The following AGBL1 variants were observed in gnomAD, a reference collection of about 807,000 sequenced individuals.
AGBL1 encodes cytosolic carboxypeptidase 4.
A neutral mutation model predicts 118.9 loss-of-function variants in AGBL1; 130 were observed. The ratio of observed to expected loss-of-function variants is 1.09; its 90% CI spans 0.95 to 1.26. The LOEUF is 1.26. Ranked by LOEUF, AGBL1 falls within the 50% of genes most tolerant of loss-of-function variation. The pLI is 0.00. For synonymous variants in AGBL1, 555 were observed against 478.9 expected (o/e 1.16, Z -2.08); for missense variants, 1,584 against 1,298.1 (o/e 1.22, Z -3.38).
intron 22 of AGBL1, among the ~76,000 whole-genome samples, chr15:86,837,224 CAA>C (rs71230682): frequency 4.4e-5 from 6 of 137,500 alleles, no homozygotes; most frequent in Non-Finnish European, 6.3e-5. Context: ...TCCTGACTAT[CAA>C]AAAAAAAAAA....
intron 23 of AGBL1, among the ~76,000 whole-genome samples, chr15:86,947,579 C>G (rs1475392951): frequency 6.6e-6 from 1 of 152,226 alleles, no homozygotes; most frequent in East Asian, 1.9e-4. Flanking sequence ...AAATATCAAA[C>G]TTTGTTGTAA....
At chr15:86,807,592 G>A (rs2078735916) in intron 22 of AGBL1, among the ~76,000 whole-genome samples, 1 of 152,084 alleles carries the variant, frequency 6.6e-6, no homozygotes, top group Non-Finnish European at 1.5e-5. Flanking sequence ...TATGGTCTGT[G>A]TACCTTGGAA....
At chr15:86,599,122 C>T (rs906505727) in intron 21 of AGBL1, among the ~76,000 whole-genome samples, 24 of 152,118 alleles carry the variant, frequency 1.6e-4, no homozygotes, top group Admixed American at 8.5e-4. Context: ...AGTTTCACAC[C>T]GAGCTGACTT....
At chr15:86,978,678 C>T (rs912976210) in intron 23 of AGBL1, among the ~76,000 whole-genome samples, 1 of 152,168 alleles carries the variant, frequency 6.6e-6, no homozygotes, top group African/African-American at 2.4e-5. Flanking sequence ...ATCACGTTAG[C>T]ACCTCTGGGG....
intron 18 of AGBL1, among the ~76,000 whole-genome samples, chr15:86,495,148 C>T (rs79509132): frequency 1.3e-5 from 2 of 151,638 alleles, no homozygotes; most frequent in East Asian, 3.9e-4. Flanking sequence ...CTCTCTCTTT[C>T]TCTGTTTCTG....
intron 22 of AGBL1, among the ~76,000 whole-genome samples, chr15:86,881,606 G>A (rs1286253000): frequency 3.3e-5 from 5 of 152,102 alleles, no homozygotes; most frequent in African/African-American, 1.2e-4. Context: ...CATGGCCAGG[G>A]GAGGAGGAAG....
chr15:86,487,023 G>A (rs551753848), intron 18 of AGBL1, among the ~76,000 whole-genome samples: 20 of 151,962 alleles, frequency 1.3e-4, no homozygotes, highest in Non-Finnish European at 2.4e-4. Context: ...GGTGCCGCAC[G>A]CTCCTTGCTA....
chr15:86,462,777 T>A (rs2082350519), intron 18 of AGBL1, among the ~76,000 whole-genome samples: 1 of 152,240 alleles, frequency 6.6e-6, no homozygotes, highest in South Asian at 2.1e-4. Flanking sequence ...TGCTTTTTTA[T>A]GGCTGCATAA....
chr15:86,133,404 A>G (rs943174918), intron 1 of AGBL1, among the ~76,000 whole-genome samples: 1 of 152,158 alleles, frequency 6.6e-6, no homozygotes, highest in Admixed American at 6.5e-5. Flanking sequence ...AAATAACTCT[A>G]TTTTATGCTC....
chr15:86,923,511 G>A (rs536745689), intron 23 of AGBL1, among the ~76,000 whole-genome samples: 5 of 152,214 alleles, frequency 3.3e-5, no homozygotes, highest in African/African-American at 4.8e-5. Flanking sequence ...AGTATCTTTT[G>A]TAACTCCTAC....
At chr15:86,618,427 A>G (rs1429150258) in intron 21 of AGBL1, among the ~76,000 whole-genome samples, 1 of 152,186 alleles carries the variant, frequency 6.6e-6, no homozygotes, top group African/African-American at 2.4e-5. Context: ...ATCTTTCTCC[A>G]GGTTTCCTCC....
intron 21 of AGBL1, among the ~76,000 whole-genome samples, chr15:86,586,869 G>C (rs1222731699): frequency 6.6e-6 from 1 of 152,078 alleles, no homozygotes. Context: ...GGGGGGGTCT[G>C]TTATTTGTCA....
At chr15:86,669,278 T>G (rs965232772) in intron 21 of AGBL1, among the ~76,000 whole-genome samples, 6 of 152,114 alleles carry the variant, frequency 3.9e-5, no homozygotes, top group Non-Finnish European at 7.4e-5. Flanking sequence ...CAGAAATGGT[T>G]TTGAGATGAA....
chr15:86,317,591 G>T (rs998518212), intron 17 of AGBL1, among the ~76,000 whole-genome samples: 1 of 152,180 alleles, frequency 6.6e-6, no homozygotes, highest in Non-Finnish European at 1.5e-5. Flanking sequence ...AATTTGCCAG[G>T]GCTGTGAAGC....
chr15:86,139,808 G>C (rs2076937707), intron 1 of AGBL1: 3 of 154,604 alleles, frequency 1.9e-5, no homozygotes, highest in Non-Finnish European at 4.3e-5. Context: ...GTTTAAGTGG[G>C]GCCCACCTGG....
At chr15:86,380,145 A>C (rs1156943949) in intron 17 of AGBL1, among the ~76,000 whole-genome samples, 6 of 152,114 alleles carry the variant, frequency 3.9e-5, no homozygotes, top group Non-Finnish European at 5.9e-5. Context: ...ACTGACGACC[A>C]AAAAATTCTC....
intron 18 of AGBL1, among the ~76,000 whole-genome samples, chr15:86,437,036 C>T (rs139539019): frequency 4.5e-4 from 68 of 150,632 alleles, no homozygotes; most frequent in Middle Eastern, 3.5e-3. Context: ...CTCCAAATTT[C>T]TTGGGGATTT....
intron 21 of AGBL1, among the ~76,000 whole-genome samples, chr15:86,609,034 G>C (rs542115588): frequency 6.6e-6 from 1 of 152,246 alleles, no homozygotes; most frequent in South Asian, 2.1e-4. Context: ...TTTAAAGTAC[G>C]TGACTTTTTT....
chr15:86,481,426 C>A (rs758813294), intron 18 of AGBL1, among the ~76,000 whole-genome samples: 5 of 152,080 alleles, frequency 3.3e-5, no homozygotes, highest in Non-Finnish European at 7.4e-5. Flanking sequence ...AATATGTGAC[C>A]TTCTGGGAGC....
Sources: gnomAD v4.1 joint callset for allele counts (sites outside exome capture counted in the v4.1 genomes callset) on GRCh38, gnomAD v4.1.1 for gene constraint, MANE v1.5 for transcripts, NCBI Gene and HGNC (gene_info 2026-07-23, HGNC 2026-07-21) for gene names.